Variants in APOOL observed in about 807,000 individuals in gnomAD.
APOOL encodes the protein MICOS complex subunit MIC27.
A neutral mutation model predicts 23.1 loss-of-function variants in APOOL; 12 were observed. The ratio of observed to expected loss-of-function variants is 0.52; its 90% confidence interval spans 0.33 to 0.84. The LOEUF is 0.84. APOOL is among the 40% of genes least tolerant of loss of function. The pLI is 0.02. For missense variants in APOOL, 212 were observed against 199.6 expected (o/e 1.06, Z -0.37); for synonymous variants, 77 against 69.9 (o/e 1.10, Z -0.51).
chrX:85,076,963 A>T (rs1412705848), intron 8 of APOOL, among the ~76,000 whole-genome samples: 1 of 38,977 alleles, frequency 2.6e-5, no homozygotes, highest in Non-Finnish European at 4.2e-5. Context: ...AACTCTGACT[A>T]TGTTTTTTTT....
intron 1 of APOOL, among the ~76,000 whole-genome samples, chrX:85,023,705 C>T (rs772803060): frequency 8.9e-6 from 1 of 112,218 alleles, no homozygotes; most frequent in South Asian, 3.7e-4. Context: ...TTAATACATA[C>T]ACACAGATTA....
In APOOL at chrX:85,089,324, G is replaced by A. The variant is rs1924463365; in HGVS notation, c.*1646G>A. 1 of 111,697 alleles carries A rather than the reference G, an allele frequency of 9.0e-6. No homozygotes were observed. Among genetic ancestry groups the A allele is most frequent in the South Asian group, 3.8e-4 (1 of 2,664 alleles). 9.2% of individuals were successfully genotyped at this position (111,697 alleles called of 1,213,427 possible). ...TCACCATGTTGTCCAGGCTGGTCTCGAACTCCTGAGCTCAAGCATCTGTCC... is the reference window on the plus strand; with the variant it reads ...TCACCATGTTGTCCAGGCTGGTCTCAAACTCCTGAGCTCAAGCATCTGTCC... On this transcript the variant is annotated 3_prime_UTR_variant, in exon 9 of 9. Transcript: ENST00000373173.
chrX:85,044,464 A>G (rs1057127340), intron 1 of APOOL, among the ~76,000 whole-genome samples: 1 of 110,552 alleles, frequency 9.0e-6, no homozygotes, highest in East Asian at 2.9e-4. Context: ...TATTTTCAGT[A>G]GAGACAGGGT....
chrX:85,018,453 C>T (rs1054427815), intron 1 of APOOL, among the ~76,000 whole-genome samples: 4 of 111,759 alleles, frequency 3.6e-5, no homozygotes, highest in Non-Finnish European at 5.6e-5. Context: ...TCCCATGATC[C>T]AGTAACCTCC....
At chrX:85,003,978 G>C in intron 1 of APOOL, 51 bp downstream of exon 1, 1 of 1,201,409 alleles carries the variant, frequency 8.3e-7, no homozygotes, top group Non-Finnish European at 1.1e-6. Flanking sequence ...TAGCATCCCG[G>C]TAACTGTAAA....
At chrX:85,073,147 T>C (rs1485786783) in intron 6 of APOOL, among the ~76,000 whole-genome samples, 2 of 111,507 alleles carry the variant, frequency 1.8e-5, no homozygotes, top group East Asian at 5.6e-4. Flanking sequence ...TTTTCAACTG[T>C]AGGTATATAC....
intron 1 of APOOL, among the ~76,000 whole-genome samples, chrX:85,030,155 GC>G (rs201708905): frequency 0.011 from 1,217 of 112,099 alleles, 21 homozygotes; most frequent in African/African-American, 0.038. Flanking sequence ...TATATATACA[GC>G]ATGGAATACT....
chrX:85,077,019 G>A (rs867526933), intron 8 of APOOL, among the ~76,000 whole-genome samples: 22 of 75,406 alleles, frequency 2.9e-4, no homozygotes, highest in African/African-American at 1.0e-3. Context: ...ATATATATAC[G>A]TATATATATG....
At chrX:85,016,854 T>A (rs1921491755) in intron 1 of APOOL, among the ~76,000 whole-genome samples, 1 of 112,466 alleles carries the variant, frequency 8.9e-6, no homozygotes, top group Non-Finnish European at 1.9e-5. Context: ...CATGGGGCAA[T>A]CACCTGACGT....
chrX:85,083,137 C>T, intron 8 of APOOL, among the ~76,000 whole-genome samples: 1 of 110,987 alleles, frequency 9.0e-6, no homozygotes, highest in Admixed American at 9.7e-5. Context: ...CTGTCTGGTG[C>T]CCTTTATCTT....
chrX:85,063,703 C>A (rs1923327196), intron 5 of APOOL, among the ~76,000 whole-genome samples: 2 of 111,372 alleles, frequency 1.8e-5, no homozygotes, highest in Non-Finnish European at 1.9e-5. Context: ...CCTTTCATCC[C>A]AGGGATGAAG....
At chrX:85,020,269 G>A (rs1455853062) in intron 1 of APOOL, among the ~76,000 whole-genome samples, 1 of 111,816 alleles carries the variant, frequency 8.9e-6, no homozygotes, top group Non-Finnish European at 1.9e-5. Flanking sequence ...AGGAAACCAA[G>A]TGAGAAATTA....
At chrX:85,049,679 C>A (rs966474370) in intron 2 of APOOL, among the ~76,000 whole-genome samples, 2 of 110,282 alleles carry the variant, frequency 1.8e-5, no homozygotes, top group African/African-American at 6.6e-5. Context: ...CCCAGCTACT[C>A]GGGATGCTGA....
At chrX:85,019,001 G>A (rs1022687775) in intron 1 of APOOL, among the ~76,000 whole-genome samples, 1 of 111,059 alleles carries the variant, frequency 9.0e-6, no homozygotes, top group Non-Finnish European at 1.9e-5. Context: ...GGCTATAGTG[G>A]CTAGGGCTCT....
chrX:85,065,108 A>G (rs1331428932), intron 5 of APOOL, among the ~76,000 whole-genome samples: 1 of 111,618 alleles, frequency 9.0e-6, no homozygotes, highest in Non-Finnish European at 1.9e-5. Flanking sequence ...CTTCTTGTTG[A>G]ATTGAGCCCT....
At position 85,074,282 on chromosome X, in the gene APOOL, C is replaced by G. The variant is rs773086583; in HGVS notation, c.609C>G (p.Ser203=). 8.3e-7 allele frequency: 1 copy of G among 1,210,881 alleles called. No individual in the cohort carries two copies. The highest frequency in any genetic ancestry group is 1.1e-6 in the Non-Finnish European group (1 of 894,981). Residue 203 remains serine (S), a synonymous_variant, in exon 8 of 9, where the codon TCC becomes TCG. Transcript: ENST00000373173. ...PKPKEKTKLG[S]SSEIEVPAKT... ...ATCTGTTTGGTAAACAGCTAGGATCCTCTTCCGAAATAGAAGTACCTGCAA... is the reference window on the plus strand; with the variant it reads ...ATCTGTTTGGTAAACAGCTAGGATCGTCTTCCGAAATAGAAGTACCTGCAA...
chrX:85,054,221 A>T, intron 3 of APOOL, 123 bp from the exon 4 acceptor site: 1 of 583,131 alleles, frequency 1.7e-6, no homozygotes, highest in Non-Finnish European at 2.7e-6. Flanking sequence ...GGAAAGCTGG[A>T]TTTAGATTTG....
intron 1 of APOOL, among the ~76,000 whole-genome samples, chrX:85,004,388 G>C (rs1260949487): frequency 8.9e-6 from 1 of 112,160 alleles, no homozygotes; most frequent in East Asian, 2.8e-4. Flanking sequence ...TCTTTCAGCA[G>C]TGCGCTGGTT....
chrX:85,043,688 C>T (rs752035889), intron 1 of APOOL, among the ~76,000 whole-genome samples: 6 of 110,921 alleles, frequency 5.4e-5, no homozygotes, highest in African/African-American at 1.6e-4. Flanking sequence ...CCCTAGTGTG[C>T]CAGTCTTCCT....
Sources: gnomAD v4.1 joint callset for allele counts (sites outside exome capture counted in the v4.1 genomes callset) on GRCh38, gnomAD v4.1.1 for gene constraint, MANE v1.5 for transcripts, NCBI Gene and HGNC (gene_info 2026-07-23, HGNC 2026-07-21) for gene names.